The following RNF38 variants were observed in gnomAD, a reference collection of about 807,000 sequenced individuals.
RNF38 encodes E3 ubiquitin-protein ligase RNF38.
Under a neutral mutation model 67.2 loss-of-function variants are expected in RNF38, and 15 were observed. The ratio of observed to expected loss-of-function variants is 0.22; its 90% CI spans 0.15 to 0.34. RNF38 has a LOEUF of 0.34. RNF38 is among the 10% of genes least tolerant of loss of function. The probability of loss-of-function intolerance (pLI) is 1.00; values close to 1 mark genes in which losing one functional copy is unlikely to be tolerated. For missense variants in RNF38, 524 were observed against 639.9 expected (o/e 0.82, Z 1.95); for synonymous variants, 220 against 218.8 (o/e 1.01, Z -0.05).
At chr9:36,367,506 C>G (rs1276220156) in intron 4 of RNF38, among the ~76,000 whole-genome samples, 1 of 151,844 alleles carries the variant, frequency 6.6e-6, no homozygotes, top group African/African-American at 2.4e-5. Flanking sequence ...AGGACGGGTT[C>G]AATATTATGT....
At chr9:36,361,719 T>G (rs1187567039) in intron 4 of RNF38, among the ~76,000 whole-genome samples, 2 of 152,204 alleles carry the variant, frequency 1.3e-5, no homozygotes, top group Non-Finnish European at 2.9e-5. Context: ...AAAGGTTCAG[T>G]GCCATCAAGG....
intron 2 of RNF38, among the ~76,000 whole-genome samples, chr9:36,415,422 GTTTTT>G (rs200398811): frequency 6.6e-6 from 1 of 151,212 alleles, no homozygotes; most frequent in Admixed American, 6.6e-5. Flanking sequence ...TCCGTATCTT[GTTTTT>G]TTTGTTTTTT....
chr9:36,423,643 G>C (rs1838683943), intron 2 of RNF38, among the ~76,000 whole-genome samples: 2 of 152,022 alleles, frequency 1.3e-5, no homozygotes, highest in South Asian at 2.1e-4. Flanking sequence ...GCCGTCAAGC[G>C]TACTGATGAG....
At chr9:36,400,833 C>T (rs1238831267), upstream of RNF38, 8 of 985,106 alleles carry the variant, frequency 8.1e-6, no homozygotes, top group Admixed American at 6.2e-5. Context: ...GCCCCCACGC[C>T]CCAACCGACC....
At chr9:36,358,348 T>A (rs1305062736) in intron 4 of RNF38, among the ~76,000 whole-genome samples, 1 of 152,238 alleles carries the variant, frequency 6.6e-6, no homozygotes, top group Non-Finnish European at 1.5e-5. Flanking sequence ...TTTAAAAAAA[T>A]GAAATCTCAT....
chr9:36,477,502 C>T (rs2134437807), intron 1 of RNF38, among the ~76,000 whole-genome samples: 1 of 151,890 alleles, frequency 6.6e-6, no homozygotes, highest in African/African-American at 2.4e-5. Context: ...ATTGTGAAAC[C>T]TCCATGTCAC....
upstream of RNF38, among the ~76,000 whole-genome samples, chr9:36,404,118 T>C (rs898192161): frequency 6.6e-6 from 1 of 152,254 alleles, no homozygotes. Flanking sequence ...TCACCTGCAA[T>C]TGATTTTTGG....
At chr9:36,484,000 G>A (rs1183526098) in intron 1 of RNF38, among the ~76,000 whole-genome samples, 2 of 152,130 alleles carry the variant, frequency 1.3e-5, no homozygotes, top group Non-Finnish European at 2.9e-5. Flanking sequence ...AAAGTATCAC[G>A]TGGGTCAAAA....
intron 1 of RNF38, among the ~76,000 whole-genome samples, chr9:36,435,374 C>A (rs549089738): frequency 6.6e-6 from 1 of 151,854 alleles, no homozygotes; most frequent in Non-Finnish European, 1.5e-5. Flanking sequence ...AAGGCAAACA[C>A]GAGAGTAGTA....
intron 3 of RNF38, among the ~76,000 whole-genome samples, chr9:36,374,068 A>G (rs1445000911): frequency 6.6e-6 from 1 of 152,232 alleles, no homozygotes; most frequent in East Asian, 1.9e-4. Flanking sequence ...TAACTTTGCA[A>G]TAACTATACT....
chr9:36,406,142 T>G (rs530211170), upstream of RNF38, among the ~76,000 whole-genome samples: 1 of 152,336 alleles, frequency 6.6e-6, no homozygotes, highest in South Asian at 2.1e-4. Flanking sequence ...TGTATATCAC[T>G]GACACCGATG....
At chr9:36,483,871 A>C (rs1026448415) in intron 1 of RNF38, among the ~76,000 whole-genome samples, 3 of 152,222 alleles carry the variant, frequency 2.0e-5, no homozygotes, top group African/African-American at 7.2e-5. Context: ...CCTGATAAAC[A>C]ACCCTGGTAG....
At chr9:36,370,864 A>G (rs1407941198) in intron 3 of RNF38, among the ~76,000 whole-genome samples, 2 of 152,054 alleles carry the variant, frequency 1.3e-5, no homozygotes, top group African/African-American at 4.8e-5. Flanking sequence ...AGCTGAGATC[A>G]CGCCACTGCA....
intron 1 of RNF38, among the ~76,000 whole-genome samples, chr9:36,477,833 A>AG (rs1554702650): frequency 6.8e-6 from 1 of 147,346 alleles, no homozygotes; most frequent in Non-Finnish European, 1.5e-5. Context: ...AAAAAAAAAA[A>AG]AAAGAAAGAA....
chr9:36,390,921 G>C (rs1837031795), intron 1 of RNF38, among the ~76,000 whole-genome samples: 1 of 152,116 alleles, frequency 6.6e-6, no homozygotes, highest in Admixed American at 6.5e-5. Context: ...AAATCCTAAA[G>C]GACAGACTTC....
chr9:36,352,460 G>GGTAA (rs1833769130), intron 8 of RNF38, among the ~76,000 whole-genome samples: 1 of 152,108 alleles, frequency 6.6e-6, no homozygotes, highest in Non-Finnish European at 1.5e-5. Flanking sequence ...CAAGACTGGT[G>GGTAA]GTAAGTGTTA....
chr9:36,377,072 G>T (rs968725057), intron 2 of RNF38, among the ~76,000 whole-genome samples: 1 of 152,088 alleles, frequency 6.6e-6, no homozygotes, highest in Non-Finnish European at 1.5e-5. Flanking sequence ...GGTCCCACAT[G>T]GACTTACTAG....
At chr9:36,437,553 T>C (rs2134284901) in intron 1 of RNF38, among the ~76,000 whole-genome samples, 1 of 149,710 alleles carries the variant, frequency 6.7e-6, no homozygotes, top group South Asian at 2.1e-4. Context: ...AGGAGCAAGG[T>C]TGAAAAAAAA....
intron 2 of RNF38, among the ~76,000 whole-genome samples, chr9:36,406,413 T>G (rs770743700): frequency 1.8e-4 from 27 of 152,220 alleles, no homozygotes; most frequent in Non-Finnish European, 3.5e-4. Context: ...TGCCATCACA[T>G]CCACATCCAA....
Sources: allele counts gnomAD v4.1 joint callset (sites outside exome capture counted in the v4.1 genomes callset), GRCh38; gene constraint gnomAD v4.1.1; transcripts MANE v1.5; gene names NCBI Gene and HGNC (gene_info 2026-07-23, HGNC 2026-07-21).